Variants in DZIP3 observed in about 807,000 individuals in gnomAD.
DZIP3 encodes DAZ interacting zinc finger protein 3.
DZIP3 carries 118 observed loss-of-function variants against 162.0 expected under a neutral mutation model. The observed-to-expected ratio is 0.73, with a 90% confidence interval of 0.63 to 0.85. The LOEUF (loss-of-function observed/expected upper bound fraction) is 0.85, where lower values mean the gene tolerates loss of function less well. Among genes scored for constraint, DZIP3 ranks in the 40% least tolerant of loss-of-function variants. The pLI is 0.00. For synonymous variants in DZIP3, 438 were observed against 458.6 expected, an observed-to-expected ratio of 0.96 and a Z score of 0.57; for missense variants, 1,331 against 1,407.0, an observed-to-expected ratio of 0.95 and a Z score of 0.86.
At chr3:108,664,363 C>T (rs1198774562) in intron 21 of DZIP3, among the ~76,000 whole-genome samples, 1 of 152,204 alleles carries the variant, frequency 6.6e-6, no homozygotes, top group Non-Finnish European at 1.5e-5. Flanking sequence ...GATTCTCCTA[C>T]CTAACATAAG....
chr3:108,672,510 A>G (rs562600897), intron 22 of DZIP3, 50 bp from the exon 23 acceptor site: 7 of 1,438,544 alleles, frequency 4.9e-6, no homozygotes, highest in African/African-American at 1.4e-5. Context: ...TAGATGAAAA[A>G]GGCTCTGCTT....
intron 10 of DZIP3, 24 bp downstream of exon 10, chr3:108,634,996 A>C: frequency 3.6e-6 from 5 of 1,395,262 alleles, no homozygotes; most frequent in Non-Finnish European, 5.0e-6. Flanking sequence ...TCTTAAAACT[A>C]CAACAGCATT....
At chr3:108,653,312 T>C (rs1407182769) in intron 18 of DZIP3, among the ~76,000 whole-genome samples, 1 of 151,512 alleles carries the variant, frequency 6.6e-6, no homozygotes, top group Non-Finnish European at 1.5e-5. Flanking sequence ...ATAATGTATC[T>C]TAGAGTTTCT....
At chr3:108,649,075 A>G (rs1942754709) in intron 17 of DZIP3, 113 bp downstream of exon 17, 2 of 571,676 alleles carry the variant, frequency 3.5e-6, no homozygotes, top group South Asian at 2.4e-5. Context: ...AAATGATTCA[A>G]TAGCTTACTG....
At chr3:108,620,573 A>G (rs1271771904) in intron 5 of DZIP3, among the ~76,000 whole-genome samples, 1 of 152,206 alleles carries the variant, frequency 6.6e-6, no homozygotes, top group Non-Finnish European at 1.5e-5. Flanking sequence ...TAAAAGAACT[A>G]TTCCACCACC....
upstream of DZIP3, chr3:108,589,520 C>T: frequency 1.7e-6 from 1 of 585,314 alleles, no homozygotes; most frequent in South Asian, 2.2e-5. Flanking sequence ...AGTCCCTAGG[C>T]ACCCTAGGGG....
intron 9 of DZIP3, 77 bp downstream of exon 9, chr3:108,633,149 T>A: frequency 6.2e-6 from 4 of 649,000 alleles, no homozygotes; most frequent in African/African-American, 2.0e-5. Context: ...ATAATAAAAA[T>A]TATATTATGT....
intron 19 of DZIP3, among the ~76,000 whole-genome samples, chr3:108,660,168 C>A (rs1248839198): frequency 1.3e-5 from 2 of 152,136 alleles, no homozygotes; most frequent in African/African-American, 4.8e-5. Context: ...CAAAAAAGAG[C>A]CTGCATTGCG....
At chr3:108,646,310 T>C (rs1286370986) in intron 14 of DZIP3, among the ~76,000 whole-genome samples, 1 of 152,204 alleles carries the variant, frequency 6.6e-6, no homozygotes, top group Non-Finnish European at 1.5e-5. Context: ...TTAACTATTA[T>C]TTCATGGCCT....
At chr3:108,608,245 A>G in intron 3 of DZIP3, 87 bp downstream of exon 3, 1 of 1,108,130 alleles carries the variant, frequency 9.0e-7, no homozygotes, top group Non-Finnish European at 1.3e-6. Flanking sequence ...AGTCAGTTTA[A>G]TTACGTGTTA....
intron 8 of DZIP3, among the ~76,000 whole-genome samples, chr3:108,631,055 A>ACACACTCTCTCTCTCTCTCTCTCT: frequency 4.4e-4 from 8 of 18,012 alleles, no homozygotes; most frequent in African/African-American, 8.4e-4. Flanking sequence ...ACACACACAC[A>ACACACTCTCTCTCTCTCTCTCTCT]CTCTCTCTCT....
chr3:108,625,905 A>G lies in DZIP3; in HGVS notation c.517A>G (p.Ile173Val), dbSNP rs771724884. Residue 173 changes from isoleucine to valine, a missense_variant, in exon 7 of 33, where the codon ATT (isoleucine) becomes GTT (valine). This residue lies in a region of DZIP3 where 1,278 missense variants were observed against 1,317.1 expected (regional missense o/e 0.97). Coordinates refer to ENST00000361582, the MANE Select transcript of DZIP3 (RefSeq NM_014648.4). ...VMKMMIQENE[I>V]CENFMSLVYF... ...GAAGATGATGATCCAAGAAAATGAA[A>G]TTTGTGAAAACTTTATGTCTTTAGT... is the stretch of plus-strand genomic sequence containing the variant. The G allele has an allele frequency of 2.5e-6, 4 of 1,613,654 alleles. No homozygotes were observed. In the Admixed American group the frequency reaches 5.0e-5, roughly 20 times the overall value.
chr3:108,692,274 C>A (rs1944728073), intron 32 of DZIP3, among the ~76,000 whole-genome samples: 1 of 152,082 alleles, frequency 6.6e-6, no homozygotes, highest in African/African-American at 2.4e-5. Context: ...GACAGACTGG[C>A]TATTGGTAAT....
chr3:108,673,520 A>C lies in DZIP3; in HGVS notation c.2590-558A>C, dbSNP rs527867973. 6.6e-5 allele frequency among the ~76,000 whole-genome samples: 10 copies of C among 152,018 alleles called. No individual in the cohort carries two copies. In the East Asian group the frequency reaches 1.9e-3, roughly 30 times the overall value. ...CAACAGTGTATTTTAGTGAATACTG[A>C]GTGTTTAGTAGTAAAAAACAGAGGC... On this transcript the variant is annotated intron_variant, in intron 23 of 32. Coordinates refer to ENST00000361582, the MANE Select transcript of DZIP3 (RefSeq NM_014648.4).
chr3:108,645,104 TA>T (rs1286081578), intron 14 of DZIP3, among the ~76,000 whole-genome samples: 1 of 152,084 alleles, frequency 6.6e-6, no homozygotes, highest in Admixed American at 6.6e-5. Flanking sequence ...AACATAAAAA[TA>T]TACTGCAGGC....
At chr3:108,631,051 A>ACTCTCTCTCTCTCTCTCTCT (rs1431834911) in intron 8 of DZIP3, among the ~76,000 whole-genome samples, 5 of 42,030 alleles carry the variant, frequency 1.2e-4, no homozygotes, top group Non-Finnish European at 1.3e-4. Context: ...ACACACACAC[A>ACTCTCTCTCTCTCTCTCTCT]CACACTCTCT....
intron 5 of DZIP3, among the ~76,000 whole-genome samples, chr3:108,622,293 G>C (rs1941391253): frequency 6.6e-6 from 1 of 152,148 alleles, no homozygotes; most frequent in Non-Finnish European, 1.5e-5. Context: ...GCTTTTTTAA[G>C]CTCCAGAATT....
intron 13 of DZIP3, among the ~76,000 whole-genome samples, chr3:108,643,609 T>C (rs1942493773): frequency 6.6e-6 from 1 of 150,702 alleles, no homozygotes; most frequent in Non-Finnish European, 1.5e-5. Context: ...AGCTATCTAG[T>C]ATAGCAGTCC....
rs542353301 is a variant in DZIP3 at position 108,675,982 on chromosome 3, G to C, written c.2781+109G>C. ...AAGGAAGAACATATTTTCCATTTTA[G>C]TTATAAAAGTTTATGCCTTCACTTT... On this transcript the variant is annotated intron_variant, in intron 25 of 32. Coordinates refer to ENST00000361582, the MANE Select transcript of DZIP3 (RefSeq NM_014648.4). 7.8e-5 allele frequency: 77 copies of C among 982,306 alleles called. No homozygotes were observed. The African/African-American group carries it at 1.1e-3, about 14-fold the overall frequency. 60.8% of individuals were successfully genotyped at this position (982,306 alleles called of 1,614,324 possible). A position where few individuals can be genotyped will look rare whatever the true frequency, so the allele number is the denominator to read the frequency against.
Sources: gnomAD v4.1 joint callset for allele counts (sites outside exome capture counted in the v4.1 genomes callset) on GRCh38, gnomAD v4.1.1 for gene constraint, gnomAD v4.1.1 regional missense constraint, MANE v1.5 for transcripts, NCBI Gene and HGNC (gene_info 2026-07-23, HGNC 2026-07-21) for gene names.